BCL7B: variants seen among roughly 807,000 people sequenced by gnomAD.
BCL7B encodes the protein B-cell CLL/lymphoma 7 protein family member B.
In BCL7B, 11 loss-of-function variants were observed where a neutral mutation model predicts 26.5. The ratio of observed to expected loss-of-function variants is 0.42; its 90% confidence interval spans 0.26 to 0.69. The LOEUF is 0.69. BCL7B is among the 30% of genes least tolerant of loss of function. The probability of loss-of-function intolerance (pLI) is 0.28; values close to 1 mark genes in which losing one functional copy is unlikely to be tolerated. For missense variants in BCL7B, 215 were observed against 264.4 expected (o/e 0.81, Z 1.30); for synonymous variants, 111 against 107.9 (o/e 1.03, Z -0.18).
chr7:73,543,510 T>C (rs1554583156), intron 3 of BCL7B, 38 bp downstream of exon 3: 2 of 1,583,112 alleles, frequency 1.3e-6, no homozygotes, highest in Non-Finnish European at 1.7e-6. Flanking sequence ...ATCCAAGTTT[T>C]CATTCTCCTG....
chr7:73,551,074 CCA>C (rs1792147658), intron 2 of BCL7B, among the ~76,000 whole-genome samples: 1 of 152,138 alleles, frequency 6.6e-6, no homozygotes, highest in Non-Finnish European at 1.5e-5. Context: ...AAGGTCTACA[CCA>C]GAATTAGAAA....
At position 73,543,568 on chromosome 7, in the gene BCL7B, G is replaced by C; in HGVS notation, c.245C>G (p.Ser82Cys). 6.2e-7 allele frequency: 1 copy of C among 1,613,878 alleles called. No individual in the cohort carries two copies. The highest frequency in any genetic ancestry group is 1.1e-5 in the South Asian group (1 of 91,064). ...CTCACCCTGGAATTCAAGAAGGAGA[G>C]AGGAATTGGCTGAGGCATCAGAAGG... ...GFPSDASANS[S>C]LLLEFQDENS... The change falls in exon 3 of 6, where the codon TCT becomes TGT. Residue 82 changes from serine (S) to cysteine (C), a missense_variant. Ser to Cys is a moderately radical substitution (Grantham distance 112, BLOSUM62 -1). Transcript: ENST00000223368.
chr7:73,542,934 A>G, intron 3 of BCL7B: 1 of 420,566 alleles, frequency 2.4e-6, no homozygotes, highest in Non-Finnish European at 4.8e-6. Context: ...ATAAAAAATG[A>G]AGTACAATCT....
intron 4 of BCL7B, among the ~76,000 whole-genome samples, chr7:73,538,933 CTATG>C (rs1169582046): frequency 6.6e-6 from 1 of 151,554 alleles, no homozygotes. Context: ...ACTAGACTGG[CTATG>C]TGATCTCAGA....
Position 73,544,279 on chromosome 7 carries a change from A to T in BCL7B, c.169-635T>A, listed in dbSNP as rs183312345. ...CTACTAAAAATACAAAAATCAGCCG[A>T]GTGTGGTGGCATGTGCCTGTAATCC... On this transcript the variant is annotated intron_variant, in intron 2 of 5. Transcript: ENST00000223368. Among the ~76,000 whole-genome samples the T allele has an allele frequency of 6.6e-5, 10 of 152,036 alleles. No homozygotes were observed. In the East Asian group the frequency reaches 1.9e-3, roughly 29 times the overall value.
At position 73,537,512 on chromosome 7, in the gene BCL7B, C is replaced by G; in HGVS notation, c.517-122G>C. 3 of 705,226 alleles carry G rather than the reference C, an allele frequency of 4.3e-6. No homozygotes were observed. In the South Asian group the frequency reaches 5.1e-5, roughly 12 times the overall value. 43.7% of individuals were successfully genotyped at this position (705,226 alleles called of 1,614,324 possible). ...CCAGCAGATGATCAAACATCCTCCC[C>G]TGCCTACAACCCTGGGACTCATTTC... On this transcript the variant is annotated intron_variant, in intron 5 of 5. Transcript: ENST00000223368.
intron 2 of BCL7B, among the ~76,000 whole-genome samples, chr7:73,549,996 T>G (rs1217103905): frequency 6.6e-6 from 1 of 152,234 alleles, no homozygotes; most frequent in South Asian, 2.1e-4. Flanking sequence ...AAGCTGTGTT[T>G]TGCAGAGTGG....
chr7:73,557,148 T>C, intron 1 of BCL7B: 2 of 1,007,612 alleles, frequency 2.0e-6, no homozygotes, highest in Non-Finnish European at 2.4e-6. Flanking sequence ...GCGGGGCCAC[T>C]GCCCAGGAAG....
In BCL7B at chr7:73,539,942, T is replaced by C. The variant is rs782200063; in HGVS notation, c.376A>G (p.Thr126Ala). Residue 126 changes from threonine to alanine, a missense_variant, in exon 4 of 6, where the codon ACC (threonine) becomes GCC (alanine). Physicochemically the swap from Thr to Ala is moderately conservative, Grantham distance 58. Transcript: ENST00000223368. ...QQSESLSPAH[T>A]SDFRTDDSQP... Reference sequence around the variant, plus strand: ...GAGTCATCCGTGCGGAAGTCGGAGGTGTGTGCTGGGCTCAGGGACTCACTC... The same window carrying C: ...GAGTCATCCGTGCGGAAGTCGGAGGCGTGTGCTGGGCTCAGGGACTCACTC... 1.2e-6 allele frequency: 2 copies of C among 1,613,922 alleles called. No individual in the cohort carries two copies. The highest frequency in any genetic ancestry group is 2.2e-5 in the East Asian group (1 of 44,866).
At chr7:73,548,383 G>A (rs1454425844) in intron 2 of BCL7B, among the ~76,000 whole-genome samples, 7 of 151,922 alleles carry the variant, frequency 4.6e-5, no homozygotes, top group Admixed American at 1.3e-4. Context: ...AGCTTAGATC[G>A]CACCACTGTA....
intron 2 of BCL7B, among the ~76,000 whole-genome samples, chr7:73,547,796 A>G (rs1033380872): frequency 1.3e-5 from 2 of 152,154 alleles, no homozygotes; most frequent in African/African-American, 4.8e-5. Context: ...GCAAAAAGAA[A>G]AACAAATGTA....
intron 1 of BCL7B, among the ~76,000 whole-genome samples, chr7:73,554,004 G>A (rs1466588599): frequency 2.7e-5 from 4 of 146,018 alleles, no homozygotes; most frequent in Admixed American, 1.4e-4. Flanking sequence ...TAGGGTCTCC[G>A]TCACCCAGGC....
chr7:73,550,518 C>T (rs1792120576), intron 2 of BCL7B, among the ~76,000 whole-genome samples: 1 of 151,840 alleles, frequency 6.6e-6, no homozygotes, highest in African/African-American at 2.4e-5. Context: ...GCACTCCAGC[C>T]TGGCGACAGA....
intron 1 of BCL7B, 116 bp downstream of exon 1, chr7:73,557,371 C>A: frequency 2.6e-6 from 3 of 1,163,744 alleles, no homozygotes; most frequent in Non-Finnish European, 3.2e-6. Flanking sequence ...CCCGCCTTCT[C>A]CCGCACCCCC....
intron 2 of BCL7B, among the ~76,000 whole-genome samples, chr7:73,550,814 T>C (rs10242284): frequency 0.97 from 147,130 of 151,200 alleles, 71,609 homozygotes; most frequent in East Asian, 1. Flanking sequence ...CCCACCACCA[T>C]GCCCGGCTAA....
intron 2 of BCL7B, among the ~76,000 whole-genome samples, chr7:73,544,591 A>G (rs942045766): frequency 1.3e-5 from 2 of 152,186 alleles, no homozygotes; most frequent in Non-Finnish European, 2.9e-5. Context: ...CTGCCACTTC[A>G]TAACAGCCTG....
At chr7:73,546,061 G>A (rs1249328445) in intron 2 of BCL7B, among the ~76,000 whole-genome samples, 3 of 151,198 alleles carry the variant, frequency 2.0e-5, no homozygotes, top group Non-Finnish European at 2.9e-5. Flanking sequence ...GAACCCAGGA[G>A]GCAGAGCTTG....
intron 4 of BCL7B, among the ~76,000 whole-genome samples, chr7:73,539,356 A>C (rs1791665017): frequency 6.6e-6 from 1 of 151,704 alleles, no homozygotes; most frequent in Non-Finnish European, 1.5e-5. Flanking sequence ...GGTTCAAGTG[A>C]TTCTTCTGCC....
intron 2 of BCL7B, among the ~76,000 whole-genome samples, chr7:73,545,758 T>G (rs1791929641): frequency 6.6e-6 from 1 of 152,136 alleles, no homozygotes; most frequent in African/African-American, 2.4e-5. Context: ...GGAGGTTCCC[T>G]GGAGCCAGAG....
Sources: allele counts gnomAD v4.1 joint callset (sites outside exome capture counted in the v4.1 genomes callset), GRCh38; gene constraint gnomAD v4.1.1; transcripts MANE v1.5; gene names NCBI Gene and HGNC (gene_info 2026-07-23, HGNC 2026-07-21).